The following NEGR1 variants were observed in gnomAD, a reference collection of about 807,000 sequenced individuals.
NEGR1 encodes the protein neuronal growth regulator 1, also known as IgLON family member 4.
A neutral mutation model predicts 40.9 loss-of-function variants in NEGR1; 10 were observed. That is an observed-to-expected ratio of 0.24 (90% CI 0.15 to 0.42). NEGR1 has a LOEUF of 0.42. Among genes scored for constraint, NEGR1 ranks in the 10% least tolerant of loss-of-function variants. NEGR1 has a pLI of 1.00. For missense variants in NEGR1, 352 were observed against 438.9 expected, an observed-to-expected ratio of 0.80 and a Z score of 1.77; for synonymous variants, 185 against 166.8, an observed-to-expected ratio of 1.11 and a Z score of -0.84.
intron 2 of NEGR1, among the ~76,000 whole-genome samples, chr1:71,918,930 T>C (rs894510073): frequency 8.5e-5 from 13 of 152,228 alleles, no homozygotes; most frequent in Non-Finnish European, 1.5e-4. Flanking sequence ...CTGATTCCCA[T>C]GTGGCTTAAT....
chr1:72,135,412 AAAAC>A, intron 1 of NEGR1, among the ~76,000 whole-genome samples: 3 of 112,418 alleles, frequency 2.7e-5, no homozygotes, highest in African/African-American at 9.7e-5. Flanking sequence ...AACAAAAAAA[AAAAC>A]AAAACCAAAA....
chr1:71,521,267 C>T (rs1647155588), intron 6 of NEGR1, among the ~76,000 whole-genome samples: 1 of 152,014 alleles, frequency 6.6e-6, no homozygotes, highest in Non-Finnish European at 1.5e-5. Context: ...AATTTCACAG[C>T]TGATTTAGAC....
intron 1 of NEGR1, among the ~76,000 whole-genome samples, chr1:72,096,120 T>C (rs1340655641): frequency 6.6e-6 from 1 of 152,190 alleles, no homozygotes; most frequent in African/African-American, 2.4e-5. Context: ...TAAAAATCTT[T>C]AGATGATCAA....
intron 1 of NEGR1, among the ~76,000 whole-genome samples, chr1:72,245,078 A>G (rs1654862171): frequency 6.6e-6 from 1 of 152,048 alleles, no homozygotes; most frequent in African/African-American, 2.4e-5. Context: ...GACCTAAGAC[A>G]GGACAACCGT....
intron 2 of NEGR1, among the ~76,000 whole-genome samples, chr1:71,836,493 T>TAC (rs1557671299): frequency 2.7e-5 from 4 of 149,482 alleles, no homozygotes. Context: ...TATATATATA[T>TAC]ATATATGAAG....
chr1:71,994,383 C>A (rs1646483720), intron 1 of NEGR1, among the ~76,000 whole-genome samples: 1 of 151,866 alleles, frequency 6.6e-6, no homozygotes, highest in African/African-American at 2.4e-5. Flanking sequence ...AAAAAATTAG[C>A]CGGGCGTGGT....
At chr1:71,522,937 C>T (rs563237630) in intron 6 of NEGR1, among the ~76,000 whole-genome samples, 2 of 151,900 alleles carry the variant, frequency 1.3e-5, no homozygotes, top group Non-Finnish European at 2.9e-5. Context: ...TGATCAGAGG[C>T]ATAAAGTCCT....
At chr1:71,811,236 T>C (rs2101762433) in intron 2 of NEGR1, among the ~76,000 whole-genome samples, 1 of 152,250 alleles carries the variant, frequency 6.6e-6, no homozygotes, top group East Asian at 1.9e-4. Context: ...TTTCTTACTA[T>C]TTCCTGGGTA....
intron 6 of NEGR1, among the ~76,000 whole-genome samples, chr1:71,491,887 C>T (rs1444058500): frequency 6.6e-6 from 1 of 152,190 alleles, no homozygotes; most frequent in East Asian, 1.9e-4. Flanking sequence ...AATTTATATG[C>T]TGAAACCTAA....
chr1:71,927,459 T>C (rs540140725), intron 2 of NEGR1, among the ~76,000 whole-genome samples: 1 of 152,078 alleles, frequency 6.6e-6, no homozygotes, highest in South Asian at 2.1e-4. Context: ...AAAACAACCT[T>C]GATTCTGAAT....
Position 71,450,935 on chromosome 1 carries a change from A to T in NEGR1, c.941-43365T>A, listed in dbSNP as rs187323497. On this transcript the variant is annotated intron_variant, in intron 6 of 6. Coordinates refer to ENST00000357731, the MANE Select transcript of NEGR1 (RefSeq NM_173808.3). The stretch of plus-strand genomic sequence containing the variant: ...CAGTGTGAAAAAAATACACATTTTT[A>T]AAAAAAGTGGTAGCAATAGTGTAGC... Among the ~76,000 whole-genome samples the T allele has an allele frequency of 4.8e-3, 696 of 143,660 alleles. 5 individuals carry two copies. The highest frequency in any genetic ancestry group is 0.019 in the African/African-American group (650 of 33,390). The allele number at this position is 143,660 out of a possible 152,430, so 94.2% of individuals were successfully genotyped here. A position where few individuals can be genotyped will look rare whatever the true frequency, so the allele number is the denominator to read the frequency against.
intron 1 of NEGR1, among the ~76,000 whole-genome samples, chr1:71,936,494 C>T (rs768319251): frequency 1.4e-4 from 22 of 151,990 alleles, no homozygotes; most frequent in African/African-American, 5.3e-4. Context: ...TGACTCAGGG[C>T]GTTGAAGGCA....
intron 1 of NEGR1, among the ~76,000 whole-genome samples, chr1:72,164,810 T>C (rs1480107929): frequency 1.3e-5 from 2 of 152,148 alleles, no homozygotes; most frequent in East Asian, 1.9e-4. Context: ...TTTTAAATAA[T>C]GCAGTGGTTA....
rs1401949907 is a variant in NEGR1, at chr1:71,568,828, A to ATGTG, written c.940+23988_940+23989insCACA. Among the ~76,000 whole-genome samples, 5 of 31,566 alleles carry ATGTG rather than the reference A, an allele frequency of 1.6e-4. No individual in the cohort carries two copies. The East Asian group carries it at 4.7e-3, about 30-fold the overall frequency. The allele number at this position is 31,566 out of a possible 152,430, so 20.7% of individuals were successfully genotyped here. A position where few individuals can be genotyped will look rare whatever the true frequency, so the allele number is the denominator to read the frequency against. The stretch of plus-strand genomic sequence containing the variant: ...TGTGTGTGTATGTGTATATATGTAT[A>ATGTG]CGTGTGTGTGTGTGTGTGTGTGTGT... On this transcript the variant is annotated intron_variant, in intron 6 of 6. Coordinates refer to ENST00000357731, the MANE Select transcript of NEGR1 (RefSeq NM_173808.3).
intron 6 of NEGR1, among the ~76,000 whole-genome samples, chr1:71,436,707 T>G (rs955428189): frequency 3.3e-5 from 5 of 152,136 alleles, no homozygotes; most frequent in Admixed American, 2.6e-4. Flanking sequence ...CAAGAATAAC[T>G]TATTTTCCCC....
chr1:71,744,921 T>C (rs531150981), intron 3 of NEGR1, among the ~76,000 whole-genome samples: 18 of 152,326 alleles, frequency 1.2e-4, no homozygotes, highest in African/African-American at 4.1e-4. Context: ...AGAAAAATTA[T>C]GTGGCAGAAG....
At position 71,776,248 on chromosome 1, in the gene NEGR1, T is replaced by G; in HGVS notation, c.459A>C (p.Gly153=). Residue 153 remains glycine, a synonymous_variant, in exon 3 of 7, where the codon GGA becomes GGC. Coordinates refer to ENST00000357731, the MANE Select transcript of NEGR1 (RefSeq NM_173808.3). ...CCAAACAAGTAAGAGTGACGTTGGT[T>G]CCTTCATTGACGGTCATATCATTTG... The part of the protein sequence containing the change: ...DISNDMTVNE[G]TNVTLTCLAT... The G allele has an allele frequency of 6.2e-7, 1 of 1,606,016 alleles. No individual in the cohort carries two copies. The highest frequency in any genetic ancestry group is 8.5e-7 in the Non-Finnish European group (1 of 1,174,756).
intron 3 of NEGR1, among the ~76,000 whole-genome samples, chr1:71,714,287 T>G (rs1013296368): frequency 2.0e-5 from 3 of 152,132 alleles, no homozygotes; most frequent in African/African-American, 7.2e-5. Flanking sequence ...GGTACTGCCC[T>G]TTACACCTGG....
intron 1 of NEGR1, among the ~76,000 whole-genome samples, chr1:71,987,912 G>A (rs375092262): frequency 5.9e-4 from 82 of 138,620 alleles, no homozygotes; most frequent in African/African-American, 1.9e-3. Flanking sequence ...TTTGAAAGAG[G>A]AGCCCTTCAT....
Sources: gnomAD v4.1 joint callset for allele counts (sites outside exome capture counted in the v4.1 genomes callset) on GRCh38, gnomAD v4.1.1 for gene constraint, MANE v1.5 for transcripts, NCBI Gene and HGNC (gene_info 2026-07-23, HGNC 2026-07-21) for gene names.